Variants in PTPRN2 observed in about 807,000 individuals in gnomAD.
PTPRN2 encodes the protein receptor-type tyrosine-protein phosphatase N2.
Under a neutral mutation model 118.8 loss-of-function variants are expected in PTPRN2, and 74 were observed. That is an observed-to-expected ratio of 0.62 (90% CI 0.52 to 0.76). The LOEUF is 0.76. Among genes scored for constraint, PTPRN2 ranks in the 30% least tolerant of loss-of-function variants. PTPRN2 has a pLI of 0.00. For missense variants in PTPRN2, 1,481 were observed against 1,394.4 expected, an observed-to-expected ratio of 1.06 and a Z score of -0.99; for synonymous variants, 641 against 608.0, an observed-to-expected ratio of 1.05 and a Z score of -0.80.
chr7:157,573,473 C>A (rs1332521518), intron 19 of PTPRN2, among the ~76,000 whole-genome samples: 1 of 152,222 alleles, frequency 6.6e-6, no homozygotes, highest in Non-Finnish European at 1.5e-5. Context: ...TGGGTCCACA[C>A]CCACCAGTCA....
Position 157,803,327 on chromosome 7 carries a change from G to A in PTPRN2, c.1788+95346C>T, listed in dbSNP as rs79539120. 7.4e-3 allele frequency among the ~76,000 whole-genome samples: 1,126 copies of A among 152,186 alleles called. 39 individuals are homozygous for A. In the South Asian group the frequency reaches 0.11, roughly 15 times the overall value. Reference sequence around the variant, plus strand: ...GTGGTATGCAAATATTTCCTCCCCGGTGACCAGTAGGGGATGCAGAGACCA... The same window carrying A: ...GTGGTATGCAAATATTTCCTCCCCGATGACCAGTAGGGGATGCAGAGACCA... On this transcript the variant is annotated intron_variant, in intron 12 of 22. Transcript: ENST00000389418.
intron 1 of PTPRN2, among the ~76,000 whole-genome samples, chr7:158,547,220 C>T (rs1323819541): frequency 6.6e-6 from 1 of 152,120 alleles, no homozygotes; most frequent in East Asian, 1.9e-4. Flanking sequence ...ATATACAATT[C>T]TGTGGCATTC....
chr7:157,734,022 GCA>G (rs1800133432), intron 12 of PTPRN2, among the ~76,000 whole-genome samples: 1 of 102,934 alleles, frequency 9.7e-6, no homozygotes. Context: ...CATGCGCCCA[GCA>G]CAGTTACCCT....
chr7:158,518,227 G>A (rs1563383046), intron 1 of PTPRN2, among the ~76,000 whole-genome samples: 1 of 152,072 alleles, frequency 6.6e-6, no homozygotes, highest in Admixed American at 6.5e-5. Flanking sequence ...CATGGGGTGG[G>A]AGGATATGAA....
At chr7:158,314,969 G>GGGACCCCCTGAAGGACAGAGGTGAACCCA (rs1802183977) in intron 3 of PTPRN2, among the ~76,000 whole-genome samples, 1 of 82,440 alleles carries the variant, frequency 1.2e-5, no homozygotes, top group African/African-American at 4.5e-5. Flanking sequence ...AGGTGAACCC[G>GGGACCCCCTGAAGGACAGAGGTGAACCCA]GGACCCCCTG....
intron 11 of PTPRN2, among the ~76,000 whole-genome samples, chr7:157,901,625 A>G (rs1259434627): frequency 6.6e-6 from 1 of 152,278 alleles, no homozygotes; most frequent in South Asian, 2.1e-4. Flanking sequence ...AAAATTCCTG[A>G]GAAAGTAAAA....
chr7:157,918,561 C>G (rs928899475), intron 11 of PTPRN2, among the ~76,000 whole-genome samples: 1 of 152,120 alleles, frequency 6.6e-6, no homozygotes, highest in Non-Finnish European at 1.5e-5. Flanking sequence ...AGCAACATAT[C>G]GAAAACAACG....
chr7:158,102,117 C>G (rs984584978), intron 10 of PTPRN2, among the ~76,000 whole-genome samples: 1 of 152,138 alleles, frequency 6.6e-6, no homozygotes, highest in Non-Finnish European at 1.5e-5. Flanking sequence ...CCAGGCAGCC[C>G]TCAGCCCACG....
intron 2 of PTPRN2, among the ~76,000 whole-genome samples, chr7:158,397,652 AC>A (rs1206800401): frequency 6.7e-6 from 1 of 149,986 alleles, no homozygotes; most frequent in Non-Finnish European, 1.5e-5. Context: ...CTCCCTCCCC[AC>A]CCCCCAGTCA....
chr7:158,558,591 G>T (rs1237187574), intron 1 of PTPRN2, among the ~76,000 whole-genome samples: 1 of 151,950 alleles, frequency 6.6e-6, no homozygotes, highest in Non-Finnish European at 1.5e-5. Context: ...AGGCAGGTGT[G>T]TCCTCACAAA....
chr7:157,904,707 C>T (rs1448140504), intron 11 of PTPRN2, among the ~76,000 whole-genome samples: 1 of 152,236 alleles, frequency 6.6e-6, no homozygotes, highest in Admixed American at 6.5e-5. Context: ...CCGCTTTCAG[C>T]GATGCCTGTC....
intron 12 of PTPRN2, among the ~76,000 whole-genome samples, chr7:157,725,571 G>A (rs376600362): frequency 2.5e-4 from 34 of 134,562 alleles, no homozygotes; most frequent in Middle Eastern, 5.5e-3. Flanking sequence ...AGAGGAGTGA[G>A]CCAGACCCTC....
chr7:157,760,834 A>G (rs904279833), intron 12 of PTPRN2, among the ~76,000 whole-genome samples: 2 of 152,214 alleles, frequency 1.3e-5, no homozygotes, highest in Admixed American at 6.5e-5. Flanking sequence ...TTTTCTAGAT[A>G]TACAATCATG....
intron 12 of PTPRN2, among the ~76,000 whole-genome samples, chr7:157,870,272 T>C (rs984556307): frequency 1.3e-5 from 2 of 152,216 alleles, no homozygotes; most frequent in South Asian, 4.1e-4. Flanking sequence ...TTCTCTCCAA[T>C]TAGGATATAA....
chr7:158,123,584 C>A (rs552913630), intron 9 of PTPRN2, among the ~76,000 whole-genome samples: 27 of 152,192 alleles, frequency 1.8e-4, no homozygotes, highest in Admixed American at 1.6e-3. Flanking sequence ...GCACCCAGGC[C>A]AACGACCCTG....
chr7:157,674,456 C>T lies in PTPRN2; in HGVS notation c.2001+8269G>A, dbSNP rs1011957462. Among the ~76,000 whole-genome samples, 2 of 152,248 alleles carry T rather than the reference C, an allele frequency of 1.3e-5. No homozygotes were observed. Among genetic ancestry groups the T allele is most frequent in the African/African-American group, 4.8e-5 (2 of 41,460 alleles). The stretch of plus-strand genomic sequence containing the variant: ...ATTGCTTTTCCCGAAGCTTTCTCCT[C>T]TTGTAACACCCAGCTCCTGCATGCC... On this transcript the variant is annotated intron_variant, in intron 13 of 22. Coordinates refer to ENST00000389418, the MANE Select transcript of PTPRN2 (RefSeq NM_002847.5). The surrounding 1 kb of genome is among the most constrained non-coding windows in gnomAD (Gnocchi z 4.5).
At chr7:157,887,092 A>C (rs1364228119) in intron 12 of PTPRN2, among the ~76,000 whole-genome samples, 1 of 148,968 alleles carries the variant, frequency 6.7e-6, no homozygotes, top group Admixed American at 6.7e-5. Flanking sequence ...GTCCTGGGGC[A>C]TTTGAGGTCC....
chr7:157,851,163 G>C (rs1025017318), intron 12 of PTPRN2, among the ~76,000 whole-genome samples: 2 of 152,188 alleles, frequency 1.3e-5, no homozygotes, highest in African/African-American at 4.8e-5. Context: ...CCCCAAAAAG[G>C]GTTCTCTAAC....
rs143830579 is a variant in PTPRN2 at position 158,280,045 on chromosome 7, C to T, written c.277+36774G>A. On this transcript the variant is annotated intron_variant, in intron 3 of 22. Coordinates refer to ENST00000389418, the MANE Select transcript of PTPRN2 (RefSeq NM_002847.5). ...CAGAGCCCCGCGGCGGCCCCCACGC[C>T]CCACCGCTGCCCCCAAACTGCACCA... is the stretch of plus-strand genomic sequence containing the variant. 4.3e-3 allele frequency among the ~76,000 whole-genome samples: 647 copies of T among 152,194 alleles called. 8 individuals carry two copies. The highest frequency in any genetic ancestry group is 0.014 in the African/African-American group (583 of 41,506).
Sources: allele counts gnomAD v4.1 joint callset (sites outside exome capture counted in the v4.1 genomes callset), GRCh38; gene constraint gnomAD v4.1.1; non-coding constraint Gnocchi (gnomAD v3.1); transcripts MANE v1.5; gene names NCBI Gene and HGNC (gene_info 2026-07-23, HGNC 2026-07-21).